The following LTA4H variants were observed in gnomAD, a reference collection of about 807,000 sequenced individuals.
LTA4H encodes leukotriene A-4 hydrolase.
Under a neutral mutation model 89.8 loss-of-function variants are expected in LTA4H, and 59 were observed. That is an observed-to-expected ratio of 0.66 (90% CI 0.53 to 0.82). The LOEUF (loss-of-function observed/expected upper bound fraction) is 0.82, where lower values mean the gene tolerates loss of function less well. Ranked by LOEUF, LTA4H falls within the 40% of genes least tolerant of loss-of-function variation. The pLI is 0.00. For missense variants in LTA4H, 617 were observed against 727.0 expected (o/e 0.85, Z 1.74); for synonymous variants, 227 against 253.1 (o/e 0.90, Z 0.98).
chr12:96,037,759 T>A (rs1226768240), upstream of LTA4H, among the ~76,000 whole-genome samples: 1 of 136,112 alleles, frequency 7.3e-6, no homozygotes, highest in Non-Finnish European at 1.5e-5. Flanking sequence ...AGTGGCGCAA[T>A]CTCGGCTCAC....
At chr12:96,040,874 C>T (rs1242199595) in intron 1 of LTA4H, among the ~76,000 whole-genome samples, 1 of 152,184 alleles carries the variant, frequency 6.6e-6, no homozygotes, top group Non-Finnish European at 1.5e-5. Flanking sequence ...CAGATACTTG[C>T]CCTTATCTGT....
rs1950363959 is a variant in LTA4H at position 96,015,666 on chromosome 12, C to T, written c.976G>A (p.Glu326Lys). 6.2e-7 allele frequency: 1 copy of T among 1,613,120 alleles called. No individual in the cohort carries two copies. Among genetic ancestry groups the T allele is most frequent in the Non-Finnish European group, 8.5e-7 (1 of 1,179,204 alleles). ...AACAATCGTCCGCAAATGTGGCGTTCCAAGTACACAGTATGTCCCTCATTT... is the reference window on the plus strand; with the variant it reads ...AACAATCGTCCGCAAATGTGGCGTTTCAAGTACACAGTATGTCCCTCATTT... ...WLNEGHTVYL[E>K]RHICGRLFGE... Residue 326 changes from glutamate (E) to lysine (K), a missense_variant, in exon 11 of 19, where the codon GAA (glutamate) becomes AAA (lysine). Physicochemically the swap from Glu to Lys is moderately conservative, Grantham distance 56. This residue lies in a region of LTA4H where 290 missense variants were observed against 339.1 expected (regional missense o/e 0.86). Coordinates refer to ENST00000228740, the MANE Select transcript of LTA4H (RefSeq NM_000895.3).
chr12:96,042,845 A>C (rs1325792502), intron 1 of LTA4H, among the ~76,000 whole-genome samples: 1 of 152,120 alleles, frequency 6.6e-6, no homozygotes. Flanking sequence ...CCTGACCCTC[A>C]CTTTGGTCCA....
intron 1 of LTA4H, among the ~76,000 whole-genome samples, chr12:96,034,699 C>G (rs1271823452): frequency 1.3e-5 from 2 of 152,202 alleles, no homozygotes; most frequent in African/African-American, 2.4e-5. Flanking sequence ...GAGGCCTGCC[C>G]GGCCGGGGCT....
chr12:96,024,380 A>T, intron 4 of LTA4H, 99 bp downstream of exon 4: 2 of 675,234 alleles, frequency 3.0e-6, no homozygotes, highest in Non-Finnish European at 4.9e-6. Flanking sequence ...AAGAAAAATA[A>T]TTCTAGCTCT....
chr12:96,025,051 C>A (rs1592892853), intron 3 of LTA4H, among the ~76,000 whole-genome samples: 1 of 152,196 alleles, frequency 6.6e-6, no homozygotes, highest in Non-Finnish European at 1.5e-5. Flanking sequence ...TTAACCCTCA[C>A]ATTTCAGTTG....
intron 14 of LTA4H, chr12:96,010,136 T>C (rs1327703431): frequency 6.6e-6 from 1 of 152,204 alleles, no homozygotes; most frequent in Non-Finnish European, 1.5e-5. Context: ...TTAGCATTGA[T>C]TTCTTAAAAA....
chr12:96,032,168 A>C (rs369452333), intron 1 of LTA4H, among the ~76,000 whole-genome samples: 1 of 152,232 alleles, frequency 6.6e-6, no homozygotes, highest in African/African-American at 2.4e-5. Flanking sequence ...AAATGTATGA[A>C]AGTTATCATA....
chr12:96,027,582 ATATAT>A lies in LTA4H; in HGVS notation c.291-23_291-19del, dbSNP rs1446181555. ...CTTGATTTCTGTATGAAACACATAA[ATATAT>A]TAGTAGAGTATGATTCCATCTAGTG... On this transcript the variant is annotated intron_variant, in intron 2 of 18. Transcript: ENST00000228740. 1 of 1,482,214 alleles carries A rather than the reference ATATAT, an allele frequency of 6.7e-7. No homozygotes were observed. The highest frequency in any genetic ancestry group is 9.4e-7 in the Non-Finnish European group (1 of 1,068,450). 91.8% of individuals were successfully genotyped at this position (1,482,214 alleles called of 1,614,324 possible). A position where few individuals can be genotyped will look rare whatever the true frequency, so the allele number is the denominator to read the frequency against.
intron 1 of LTA4H, among the ~76,000 whole-genome samples, chr12:96,041,977 T>G (rs10860000): frequency 0.076 from 8,981 of 117,742 alleles, 360 homozygotes; most frequent in African/African-American, 0.17. Context: ...TTTCTTTTTG[T>G]TTTTTTTTCT....
chr12:96,005,682 G>T (rs1208218432), intron 16 of LTA4H, among the ~76,000 whole-genome samples: 1 of 152,134 alleles, frequency 6.6e-6, no homozygotes, highest in Non-Finnish European at 1.5e-5. Flanking sequence ...CCAGTTGGAA[G>T]AGTCTTTCAC....
At chr12:96,025,827 CAA>C (rs63528861) in intron 3 of LTA4H, among the ~76,000 whole-genome samples, 134 of 115,936 alleles carry the variant, frequency 1.2e-3, no homozygotes, top group Admixed American at 1.5e-3. Context: ...ACCCTGTCTC[CAA>C]AAAAAAAAAA....
In LTA4H at chr12:96,035,493, C is replaced by G. The variant is rs767434311; in HGVS notation, c.27G>C (p.Ser9=). ...GGCAGACGGAAGCCGGAGAGGCCAA[C>G]GAACAGGTATCCACTATCTCGGGCA... MPEIVDTC[S]LASPASVCRT... is the part of the protein sequence containing the mutation. Residue 9 remains serine, a synonymous_variant, in exon 1 of 19, where the codon TCG becomes TCC. Transcript: ENST00000228740. 7 of 1,608,146 alleles carry G rather than the reference C, an allele frequency of 4.4e-6. No individual in the cohort carries two copies. The highest frequency in any genetic ancestry group is 3.4e-5 in the Admixed American group (2 of 59,150).
In LTA4H at chr12:96,021,342, A is replaced by T. The variant is rs1276552118; in HGVS notation, c.586-205T>A. On this transcript the variant is annotated intron_variant, in intron 5 of 18. Transcript: ENST00000228740. ...TGTGATATAAAACATTGTTCAAAAC[A>T]TCTATTTGCCTTTTATTCTGCTAGG... Among the ~76,000 whole-genome samples the T allele has an allele frequency of 3.9e-5, 6 of 152,304 alleles. No homozygotes were observed. The East Asian group carries it at 1.2e-3, about 29-fold the overall frequency.
upstream of LTA4H, among the ~76,000 whole-genome samples, chr12:96,037,692 C>CCTT (rs1566021042): frequency 5.3e-5 from 6 of 114,192 alleles, no homozygotes; most frequent in Non-Finnish European, 5.1e-5. Flanking sequence ...ATTGAGAAAG[C>CCTT]TTTTTTTTTT....
chr12:96,031,018 C>T (rs1370130946), intron 1 of LTA4H, among the ~76,000 whole-genome samples: 1 of 152,128 alleles, frequency 6.6e-6, no homozygotes, highest in African/African-American at 2.4e-5. Flanking sequence ...TTAACTGGGT[C>T]ATTTCCCAGT....
At chr12:96,029,228 A>G in intron 1 of LTA4H, 43 bp from the exon 2 acceptor site, 1 of 1,170,156 alleles carries the variant, frequency 8.5e-7, no homozygotes, top group Non-Finnish European at 1.2e-6. Flanking sequence ...AGTTTCATTT[A>G]CCAGAAAAAA....
intron 1 of LTA4H, among the ~76,000 whole-genome samples, chr12:96,032,627 T>C (rs1005123211): frequency 1.3e-5 from 2 of 152,248 alleles, no homozygotes; most frequent in African/African-American, 4.8e-5. Context: ...TCTAAGGCTT[T>C]TGTCATAAAT....
intron 17 of LTA4H, 103 bp from the exon 18 acceptor site, chr12:96,003,167 A>G: frequency 2.8e-6 from 2 of 719,226 alleles, no homozygotes; most frequent in Non-Finnish European, 4.8e-6. Flanking sequence ...GAATAACCCC[A>G]CTATAGTTAT....
Sources: allele counts gnomAD v4.1 joint callset (sites outside exome capture counted in the v4.1 genomes callset), GRCh38; gene constraint gnomAD v4.1.1; regional missense constraint gnomAD v4.1.1; transcripts MANE v1.5; gene names NCBI Gene and HGNC (gene_info 2026-07-23, HGNC 2026-07-21).